Variants in UGT1A8 observed in about 807,000 individuals in gnomAD.
UGT1A8 encodes the protein UDP-glucuronosyltransferase 1A8.
UGT1A8 carries 39 observed loss-of-function variants against 45.3 expected under a neutral mutation model. The ratio of observed to expected loss-of-function variants is 0.86; its 90% confidence interval spans 0.67 to 1.12. UGT1A8 has a LOEUF of 1.12. Among genes scored for constraint, UGT1A8 ranks in the 50% most tolerant of loss-of-function variants. The pLI, the probability that UGT1A8 is intolerant of heterozygous loss-of-function variation, is 0.00. For missense variants in UGT1A8, 719 were observed against 664.9 expected (o/e 1.08, Z -0.90); for synonymous variants, 275 against 249.2 (o/e 1.10, Z -0.97).
intron 1 of UGT1A8, among the ~76,000 whole-genome samples, chr2:233,728,656 G>A (rs187762667): frequency 2.0e-5 from 3 of 152,180 alleles, no homozygotes; most frequent in African/African-American, 4.8e-5. Flanking sequence ...TTTTGGATGC[G>A]CTGCGTTACT....
chr2:233,677,477 A>G (rs1284414963), intron 1 of UGT1A8, among the ~76,000 whole-genome samples: 1 of 152,206 alleles, frequency 6.6e-6, no homozygotes, highest in Non-Finnish European at 1.5e-5. Flanking sequence ...CAGTCAATTA[A>G]CACATAGTTT....
At position 233,761,028 on chromosome 2, in the gene UGT1A8, A is replaced by G. The variant is rs1400753834; in HGVS notation, c.856-6006A>G. The G allele has an allele frequency of 9.3e-6, 15 of 1,614,144 alleles. No individual in the cohort carries two copies. Among genetic ancestry groups the G allele is most frequent in the Non-Finnish European group, 1.3e-5 (15 of 1,180,012 alleles). Reference sequence around the variant, plus strand: ...AGAGAGAGGTGACTGTCCAGGACCTATTGAGCTCTGCATCTGTCTGGCTGT... The same window carrying G: ...AGAGAGAGGTGACTGTCCAGGACCTGTTGAGCTCTGCATCTGTCTGGCTGT... On this transcript the variant is annotated intron_variant, in intron 1 of 4. Transcript: ENST00000373450.
chr2:233,692,317 A>G (rs1204507929), intron 1 of UGT1A8: 1 of 153,522 alleles, frequency 6.5e-6, no homozygotes, highest in Non-Finnish European at 1.4e-5. Context: ...TTTGTAATAA[A>G]CCAAACCTAG....
chr2:233,729,702 C>T, intron 1 of UGT1A8: 4 of 1,613,950 alleles, frequency 2.5e-6, no homozygotes, highest in Non-Finnish European at 3.4e-6. Context: ...ACCCTTCCTC[C>T]TATATTCCTA....
chr2:233,640,954 A>T (rs1199608435), intron 1 of UGT1A8, among the ~76,000 whole-genome samples: 2 of 152,202 alleles, frequency 1.3e-5, no homozygotes, highest in Non-Finnish European at 2.9e-5. Flanking sequence ...CCCTTTCTTC[A>T]TGGTCTAGGA....
chr2:233,704,631 A>G (rs1393550960), intron 1 of UGT1A8, among the ~76,000 whole-genome samples: 1 of 152,120 alleles, frequency 6.6e-6, no homozygotes, highest in Non-Finnish European at 1.5e-5. Flanking sequence ...TGTTATATTA[A>G]CCTTTTTGCT....
intron 1 of UGT1A8, among the ~76,000 whole-genome samples, chr2:233,668,539 A>G (rs1220483734): frequency 1.3e-5 from 2 of 152,172 alleles, no homozygotes; most frequent in Non-Finnish European, 2.9e-5. Context: ...TCTTTATAGT[A>G]CCATGATTTA....
chr2:233,743,730 C>A (rs189214805), intron 1 of UGT1A8: 9 of 1,367,384 alleles, frequency 6.6e-6, no homozygotes, highest in East Asian at 4.5e-5. Context: ...TCATAGATAT[C>A]GCGTTTCTTG....
At chr2:233,692,948 C>T in intron 1 of UGT1A8, 1 of 1,601,152 alleles carries the variant, frequency 6.2e-7, no homozygotes, top group East Asian at 2.2e-5. Flanking sequence ...CCTAGGAGCC[C>T]TGTGATTTGG....
chr2:233,730,068 G>T (rs1197768852), intron 1 of UGT1A8: 3 of 1,610,044 alleles, frequency 1.9e-6, no homozygotes, highest in African/African-American at 1.3e-5. Flanking sequence ...ATTTAAAATT[G>T]CTTCCATATT....
At chr2:233,752,448 A>G (rs1409153426) in intron 1 of UGT1A8, 1 of 152,234 alleles carries the variant, frequency 6.6e-6, no homozygotes, top group Admixed American at 6.5e-5. Flanking sequence ...ATAAAAGATG[A>G]ATACCCACAT....
chr2:233,760,198 T>A (rs907119126), intron 1 of UGT1A8: 1 of 1,579,636 alleles, frequency 6.3e-7, no homozygotes, highest in South Asian at 1.1e-5. Context: ...CGTGACACAG[T>A]CAAACATTAA....
intron 1 of UGT1A8, among the ~76,000 whole-genome samples, chr2:233,764,715 A>C (rs1025640523): frequency 2.0e-5 from 3 of 152,182 alleles, no homozygotes; most frequent in African/African-American, 7.2e-5. Context: ...TGTCTCCCCA[A>C]GAAAGAGGGA....
chr2:233,766,051 C>T (rs552293215), intron 1 of UGT1A8, among the ~76,000 whole-genome samples: 2 of 152,294 alleles, frequency 1.3e-5, no homozygotes, highest in African/African-American at 2.4e-5. Flanking sequence ...CTTGTGTTAA[C>T]CAGCTCAATT....
chr2:233,707,630 ATCCC>A (rs2075978386), intron 1 of UGT1A8, among the ~76,000 whole-genome samples: 1 of 151,038 alleles, frequency 6.6e-6, no homozygotes, highest in Non-Finnish European at 1.5e-5. Flanking sequence ...TACTGAATAT[ATCCC>A]ATTGTATGAA....
chr2:233,625,667 T>C (rs964122067), intron 1 of UGT1A8, among the ~76,000 whole-genome samples: 5 of 151,762 alleles, frequency 3.3e-5, no homozygotes, highest in South Asian at 2.1e-4. Context: ...GAGGTCATTA[T>C]CCTAAGGGAA....
intron 1 of UGT1A8, among the ~76,000 whole-genome samples, chr2:233,686,245 T>A (rs2074779107): frequency 1.3e-5 from 2 of 150,448 alleles, no homozygotes; most frequent in South Asian, 4.2e-4. Context: ...AAATGGTTTC[T>A]GAGATTTTTT....
chr2:233,686,240 G>A (rs2074778858), intron 1 of UGT1A8, among the ~76,000 whole-genome samples: 1 of 151,054 alleles, frequency 6.6e-6, no homozygotes, highest in South Asian at 2.1e-4. Context: ...TTTGGAAATG[G>A]TTTCTGAGAT....
chr2:233,620,198 C>T (rs2072976402), intron 1 of UGT1A8, among the ~76,000 whole-genome samples: 1 of 152,174 alleles, frequency 6.6e-6, no homozygotes, highest in South Asian at 2.1e-4. Context: ...TTCTAAAAAG[C>T]AGGAAGACTA....
Sources: gnomAD v4.1 joint callset for allele counts (sites outside exome capture counted in the v4.1 genomes callset) on GRCh38, gnomAD v4.1.1 for gene constraint, MANE v1.5 for transcripts, NCBI Gene and HGNC (gene_info 2026-07-23, HGNC 2026-07-21) for gene names.